RBFOX1: variants seen among roughly 807,000 people sequenced by gnomAD.
RBFOX1 encodes the protein RNA binding fox-1 homolog 1.
In RBFOX1, 8 loss-of-function variants were observed where a neutral mutation model predicts 57.7. That is an observed-to-expected ratio of 0.14 (90% CI 0.08 to 0.25). The LOEUF is 0.25. Ranked by LOEUF, RBFOX1 falls within the 10% of genes least tolerant of loss-of-function variation. The probability of loss-of-function intolerance (pLI) is 1.00; values close to 1 mark genes in which losing one functional copy is unlikely to be tolerated. For missense variants in RBFOX1, 611 were observed against 548.5 expected, an observed-to-expected ratio of 1.11 and a Z score of -1.14; for synonymous variants, 326 against 222.4, an observed-to-expected ratio of 1.47 and a Z score of -4.15.
chr16:6,020,570 G>T (rs1436635042), intron 1 of RBFOX1, among the ~76,000 whole-genome samples: 2 of 152,154 alleles, frequency 1.3e-5, no homozygotes, highest in African/African-American at 4.8e-5. Flanking sequence ...AGGGGAGGGG[G>T]CCAGCCGGGA....
intron 3 of RBFOX1, among the ~76,000 whole-genome samples, chr16:6,931,700 C>T (rs1297510153): frequency 6.6e-6 from 1 of 152,200 alleles, no homozygotes. Context: ...CAGACAGTTT[C>T]TAGTTGGTGG....
intron 1 of RBFOX1, among the ~76,000 whole-genome samples, chr16:5,409,104 G>A (rs143238348): frequency 2.6e-4 from 39 of 152,302 alleles, no homozygotes; most frequent in African/African-American, 9.4e-4. Context: ...ATTTCTGCAG[G>A]GCAGGTCCCA....
chr16:6,844,396 C>T (rs916776551), intron 3 of RBFOX1, among the ~76,000 whole-genome samples: 4 of 152,100 alleles, frequency 2.6e-5, no homozygotes, highest in African/African-American at 7.2e-5. Flanking sequence ...CTCCCATGTG[C>T]CCATGTGTTC....
At chr16:5,692,994 A>G (rs2050737909) in intron 3 of RBFOX1, among the ~76,000 whole-genome samples, 1 of 152,192 alleles carries the variant, frequency 6.6e-6, no homozygotes, top group East Asian at 1.9e-4. Context: ...ACAATTCACT[A>G]TTTTTCCAGC....
chr16:6,022,252 CTGT>C (rs2095095860), intron 1 of RBFOX1, among the ~76,000 whole-genome samples: 1 of 29,460 alleles, frequency 3.4e-5, no homozygotes, highest in East Asian at 5.1e-4. Context: ...CTTAGCAAAT[CTGT>C]TTTTTTTTTT....
chr16:6,802,387 C>A (rs1443409711), intron 3 of RBFOX1, among the ~76,000 whole-genome samples: 6 of 151,970 alleles, frequency 3.9e-5, no homozygotes, highest in African/African-American at 1.5e-4. Flanking sequence ...TTAGAAAGTC[C>A]ATGTTATGGC....
At chr16:7,431,858 T>G (rs929682652) in intron 4 of RBFOX1, among the ~76,000 whole-genome samples, 1 of 152,194 alleles carries the variant, frequency 6.6e-6, no homozygotes, top group Non-Finnish European at 1.5e-5. Flanking sequence ...GTTAAGGTAA[T>G]TAGCTCCCCA....
intron 1 of RBFOX1, among the ~76,000 whole-genome samples, chr16:6,279,946 G>A (rs1048763873): frequency 6.6e-6 from 1 of 151,944 alleles, no homozygotes; most frequent in African/African-American, 2.4e-5. Context: ...AATGAAATTT[G>A]CAGACGATAT....
At chr16:5,469,724 C>T (rs2069071134) in intron 2 of RBFOX1, among the ~76,000 whole-genome samples, 2 of 152,116 alleles carry the variant, frequency 1.3e-5, no homozygotes, top group Non-Finnish European at 2.9e-5. Context: ...TGTGGATTTA[C>T]CTCTTTTGGA....
chr16:7,456,670 A>C (rs1011711826), intron 4 of RBFOX1, among the ~76,000 whole-genome samples: 1 of 152,050 alleles, frequency 6.6e-6, no homozygotes, highest in African/African-American at 2.4e-5. Context: ...CCTCAGCATC[A>C]CCCAACGGTC....
intron 2 of RBFOX1, among the ~76,000 whole-genome samples, chr16:6,492,492 C>G (rs1441371962): frequency 6.6e-6 from 1 of 152,108 alleles, no homozygotes; most frequent in African/African-American, 2.4e-5. Flanking sequence ...TCGCTTGAAC[C>G]CGGGAGGTGG....
intron 4 of RBFOX1, among the ~76,000 whole-genome samples, chr16:7,092,174 G>A (rs987416264): frequency 1.4e-4 from 21 of 152,150 alleles, no homozygotes; most frequent in Non-Finnish European, 2.4e-4. Flanking sequence ...ATATAGCATT[G>A]ATTACAAAGT....
chr16:7,228,426 G>T (rs1303094150), intron 4 of RBFOX1, among the ~76,000 whole-genome samples: 1 of 152,064 alleles, frequency 6.6e-6, no homozygotes, highest in Non-Finnish European at 1.5e-5. Context: ...AATCATTATG[G>T]CTCTCTTAAT....
Position 6,040,679 on chromosome 16 carries a change from C to T in RBFOX1, c.-127+20687C>T, listed in dbSNP as rs535845514. On this transcript the variant is annotated intron_variant, in intron 1 of 15. Coordinates refer to ENST00000550418, the MANE Select transcript of RBFOX1 (RefSeq NM_018723.4). ...GTGCAGTCTTGACTCATTGCAAACTCTGCCTCCTGAGTTCAAGTGATTCTC... is the reference window on the plus strand; with the variant it reads ...GTGCAGTCTTGACTCATTGCAAACTTTGCCTCCTGAGTTCAAGTGATTCTC... Among the ~76,000 whole-genome samples, 4 of 152,094 alleles carry T rather than the reference C, an allele frequency of 2.6e-5. No individual in the cohort carries two copies. The South Asian group carries it at 8.3e-4, about 32-fold the overall frequency.
chr16:6,966,773 A>G (rs57379514), intron 3 of RBFOX1, among the ~76,000 whole-genome samples: 1,194 of 23,832 alleles, frequency 0.05, 18 homozygotes, highest in African/African-American at 0.1. Context: ...CTATCTATCT[A>G]TCTATCTATC....
upstream of RBFOX1, among the ~76,000 whole-genome samples, chr16:6,016,750 T>C (rs2094996162): frequency 6.6e-6 from 1 of 152,222 alleles, no homozygotes; most frequent in Non-Finnish European, 1.5e-5. Context: ...TAGGTTGTCC[T>C]GGGAGCTGTC....
intron 1 of RBFOX1, among the ~76,000 whole-genome samples, chr16:6,035,387 A>T (rs1048621780): frequency 2.0e-5 from 3 of 152,206 alleles, no homozygotes; most frequent in African/African-American, 7.2e-5. Flanking sequence ...CCAGTCTAGG[A>T]AGAAACAAGA....
chr16:5,533,830 C>T (rs2044584090), intron 2 of RBFOX1, among the ~76,000 whole-genome samples: 2 of 152,008 alleles, frequency 1.3e-5, no homozygotes, highest in Non-Finnish European at 2.9e-5. Context: ...TATGGTGTGG[C>T]TTTCATATGG....
intron 2 of RBFOX1, among the ~76,000 whole-genome samples, chr16:6,431,900 T>TTGCTTGCTTGCTTG (rs1567258053): frequency 0.059 from 4,165 of 70,692 alleles, 64 homozygotes; most frequent in East Asian, 0.095. Flanking sequence ...TTGCTTGCTT[T>TTGCTTGCTTGCTTG]CTTTCTTTCT....
Sources: gnomAD v4.1 joint callset for allele counts (sites outside exome capture counted in the v4.1 genomes callset) on GRCh38, gnomAD v4.1.1 for gene constraint, MANE v1.5 for transcripts, NCBI Gene and HGNC (gene_info 2026-07-23, HGNC 2026-07-21) for gene names.